PTPRD: variants seen among roughly 807,000 people sequenced by gnomAD.
PTPRD encodes receptor-type tyrosine-protein phosphatase delta.
In PTPRD, 34 loss-of-function variants were observed where a neutral mutation model predicts 214.5. That is an observed-to-expected ratio of 0.16 (90% CI 0.12 to 0.21). The LOEUF (loss-of-function observed/expected upper bound fraction) is 0.21. Ranked by LOEUF, PTPRD falls within the 10% of genes least tolerant of loss-of-function variation. The pLI, the probability that PTPRD is intolerant of heterozygous loss-of-function variation, is 1.00. For synonymous variants in PTPRD, 1,128 were observed against 845.7 expected (o/e 1.33, Z -5.79); for missense variants, 2,545 against 2,398.7 (o/e 1.06, Z -1.27).
chr9:8,344,292 A>G (rs1276909803), intron 39 of PTPRD, among the ~76,000 whole-genome samples: 1 of 152,042 alleles, frequency 6.6e-6, no homozygotes, highest in Non-Finnish European at 1.5e-5. Flanking sequence ...AGTCAATTCT[A>G]GATAATGGCA....
chr9:9,128,978 A>G (rs142817131), intron 10 of PTPRD, among the ~76,000 whole-genome samples: 2,758 of 152,348 alleles, frequency 0.018, 32 homozygotes, highest in Middle Eastern at 0.034. Context: ...CAAGCAAACT[A>G]TAGAAGATTC....
chr9:8,716,668 G>C (rs2098440064), intron 12 of PTPRD, among the ~76,000 whole-genome samples: 1 of 151,716 alleles, frequency 6.6e-6, no homozygotes, highest in Non-Finnish European at 1.5e-5. Flanking sequence ...ACTTTAAGCT[G>C]CACTAGGAAA....
At chr9:10,129,490 T>C (rs1451664238) in intron 3 of PTPRD, among the ~76,000 whole-genome samples, 3 of 130,062 alleles carry the variant, frequency 2.3e-5, no homozygotes, top group African/African-American at 8.9e-5. Flanking sequence ...TTATTCTCTT[T>C]TTTCTTTCCT....
chr9:8,713,311 A>G (rs1432114715), intron 12 of PTPRD: 6 of 770,068 alleles, frequency 7.8e-6, no homozygotes, highest in Non-Finnish European at 1.1e-5. Context: ...AGAGGACGCC[A>G]TGAAGGCCTC....
At chr9:10,509,466 G>GATACATCTATCT (rs2047196966) in intron 2 of PTPRD, among the ~76,000 whole-genome samples, 2 of 45,208 alleles carry the variant, frequency 4.4e-5, no homozygotes, top group Admixed American at 6.1e-4. Context: ...CCTTTTGATT[G>GATACATCTATCT]ATCCATCTAT....
chr9:8,709,692 T>C (rs2098287924), intron 12 of PTPRD, among the ~76,000 whole-genome samples: 1 of 152,110 alleles, frequency 6.6e-6, no homozygotes. Flanking sequence ...TAAATACATA[T>C]AATGTTGTCT....
At chr9:9,084,453 G>A (rs1054988529) in intron 10 of PTPRD, among the ~76,000 whole-genome samples, 1 of 152,122 alleles carries the variant, frequency 6.6e-6, no homozygotes, top group African/African-American at 2.4e-5. Flanking sequence ...AACTATTGCA[G>A]ATGACAGGTT....
chr9:9,997,056 T>C (rs376246195), intron 4 of PTPRD, among the ~76,000 whole-genome samples: 7 of 152,304 alleles, frequency 4.6e-5, no homozygotes, highest in African/African-American at 1.7e-4. Context: ...TTAGCTATTG[T>C]AAACATAATC....
rs73433134 is a variant in PTPRD, at chr9:8,857,035, T to C, written c.-103-123089A>G. 4.4e-3 allele frequency among the ~76,000 whole-genome samples: 676 copies of C among 152,316 alleles called. 6 individuals carry two copies. Among genetic ancestry groups the C allele is most frequent in the African/African-American group, 0.015 (631 of 41,576 alleles). ...AAGATGCGTTCCCTTCCCTACGGAA[T>C]GAATGTGTGTGTTAAGTACACCAGA... On this transcript the variant is annotated intron_variant, in intron 11 of 45. Coordinates refer to ENST00000381196, the MANE Select transcript of PTPRD (RefSeq NM_002839.4).
chr9:9,614,372 T>C (rs1362179586), intron 7 of PTPRD, among the ~76,000 whole-genome samples: 1 of 152,184 alleles, frequency 6.6e-6, no homozygotes, highest in Non-Finnish European at 1.5e-5. Context: ...GTAATTTTTC[T>C]TTTATTATTT....
chr9:8,415,807 C>T (rs1053154158), intron 35 of PTPRD, among the ~76,000 whole-genome samples: 11 of 152,020 alleles, frequency 7.2e-5, no homozygotes, highest in African/African-American at 1.7e-4. Context: ...AGCATTTAGA[C>T]GTCACAGCTT....
Position 9,472,968 on chromosome 9 carries a change from GTGT to G in PTPRD, c.-236-75489_-236-75487del, listed in dbSNP as rs552266948. 1.2e-4 allele frequency among the ~76,000 whole-genome samples: 19 copies of G among 152,112 alleles called. No individual in the cohort carries two copies. In the South Asian group the frequency reaches 3.9e-3, roughly 32 times the overall value. On this transcript the variant is annotated intron_variant, in intron 8 of 45. Transcript: ENST00000381196. ...CACCTCATATATTTATTATTTCTTT[GTGT>G]TGTTAACACTTAAAATCCTTTTCTA... is the stretch of plus-strand genomic sequence containing the variant.
At chr9:9,961,970 C>T (rs895146398) in intron 4 of PTPRD, among the ~76,000 whole-genome samples, 1 of 151,742 alleles carries the variant, frequency 6.6e-6, no homozygotes, top group Non-Finnish European at 1.5e-5. Context: ...TATTATGTAC[C>T]AATTTAAAAA....
intron 14 of PTPRD, among the ~76,000 whole-genome samples, chr9:8,550,134 C>A (rs1025372350): frequency 6.6e-6 from 1 of 152,000 alleles, no homozygotes; most frequent in African/African-American, 2.4e-5. Context: ...AATTTAGGGT[C>A]CAATTTATAT....
chr9:10,445,024 T>G (rs2098789078), intron 2 of PTPRD, among the ~76,000 whole-genome samples: 1 of 151,302 alleles, frequency 6.6e-6, no homozygotes, highest in Admixed American at 6.6e-5. Context: ...AGATGAAGAG[T>G]TCAGTTGAGA....
intron 14 of PTPRD, among the ~76,000 whole-genome samples, chr9:8,539,873 C>A (rs2077949634): frequency 6.6e-6 from 1 of 151,976 alleles, no homozygotes; most frequent in African/African-American, 2.4e-5. Flanking sequence ...ACTTGAATGG[C>A]GATAACTGGT....
At chr9:10,263,481 G>C (rs569795829) in intron 3 of PTPRD, among the ~76,000 whole-genome samples, 1 of 152,262 alleles carries the variant, frequency 6.6e-6, no homozygotes, top group East Asian at 1.9e-4. Flanking sequence ...TGAGGAACTT[G>C]TTGGGAACTG....
At chr9:9,633,073 T>A (rs530953940) in intron 7 of PTPRD, among the ~76,000 whole-genome samples, 11 of 152,098 alleles carry the variant, frequency 7.2e-5, no homozygotes, top group Non-Finnish European at 1.5e-4. Context: ...GGCAGGTGGA[T>A]CACTTGAGGT....
At chr9:9,680,399 A>G (rs1346000921) in intron 7 of PTPRD, among the ~76,000 whole-genome samples, 1 of 151,892 alleles carries the variant, frequency 6.6e-6, no homozygotes, top group African/African-American at 2.4e-5. Context: ...CCCAGAAATT[A>G]TAAGAAAACA....
Sources: allele counts gnomAD v4.1 joint callset (sites outside exome capture counted in the v4.1 genomes callset), GRCh38; gene constraint gnomAD v4.1.1; transcripts MANE v1.5; gene names NCBI Gene and HGNC (gene_info 2026-07-23, HGNC 2026-07-21).